ZNF83: variants seen among roughly 807,000 people sequenced by gnomAD.
The protein encoded by ZNF83 is zinc finger protein 816B.
For missense variants in ZNF83, 552 were observed against 629.9 expected, an observed-to-expected ratio of 0.88 and a Z score of 1.32; for synonymous variants, 209 against 213.0, an observed-to-expected ratio of 0.98 and a Z score of 0.17.
chr19:52,615,087 T>C (rs1322942317), intron 2 of ZNF83, among the ~76,000 whole-genome samples: 1 of 152,070 alleles, frequency 6.6e-6, no homozygotes, highest in African/African-American at 2.4e-5. Context: ...AAAATTGAGA[T>C]TTTTTCCAAC....
intron 3 of ZNF83, among the ~76,000 whole-genome samples, chr19:52,645,752 A>T (rs76444173): frequency 0.12 from 17,614 of 150,682 alleles, 1,206 homozygotes; most frequent in East Asian, 0.24. Context: ...GGTTGCAGTG[A>T]GCCAAGATCA....
intron 1 of ZNF83, among the ~76,000 whole-genome samples, chr19:52,670,684 T>C (rs915336084): frequency 2.6e-5 from 4 of 152,176 alleles, no homozygotes; most frequent in African/African-American, 9.7e-5. Flanking sequence ...TGAGAACATA[T>C]GTCCAAGGTG....
intron 2 of ZNF83, among the ~76,000 whole-genome samples, chr19:52,620,055 C>T: frequency 6.6e-6 from 1 of 152,030 alleles, no homozygotes; most frequent in South Asian, 2.1e-4. Flanking sequence ...TCTCAAAATA[C>T]AAGAAAACAA....
At chr19:52,683,228 CTGTGTGTGTGTGTGTGTGTGTGTG>C (rs67463602) in intron 1 of ZNF83, among the ~76,000 whole-genome samples, 26,101 of 128,002 alleles carry the variant, frequency 0.2, 2,946 homozygotes, top group East Asian at 0.41. Context: ...CCCTGTGACT[CTGTGTGTGTGTGTGTGTGTGTGTG>C]TGTGTGTGTG....
intron 1 of ZNF83, among the ~76,000 whole-genome samples, chr19:52,678,133 G>T (rs988211367): frequency 6.6e-6 from 1 of 151,836 alleles, no homozygotes; most frequent in African/African-American, 2.4e-5. Flanking sequence ...ACAATAATGC[G>T]CTAACTAAAA....
At chr19:52,631,040 A>C (rs1420272923) in intron 2 of ZNF83, among the ~76,000 whole-genome samples, 1 of 147,200 alleles carries the variant, frequency 6.8e-6, no homozygotes, top group Non-Finnish European at 1.5e-5. Context: ...TTTCTTTACT[A>C]TTCCTTTGCA....
intron 2 of ZNF83, chr19:52,616,782 G>A (rs2060322315): frequency 1.3e-5 from 2 of 152,230 alleles, no homozygotes; most frequent in Non-Finnish European, 2.9e-5. Flanking sequence ...GGCGGAGGTG[G>A]TGGTGAGCCG....
rs774100778 is a variant in ZNF83, at chr19:52,613,750, TGATGGAAGACCTTTCCACATAC to T, written c.793_814del (p.Val265IlefsTer33). Reference sequence around the variant, plus strand: ...CTGATGTTGTGCAAGGTGTGAAATATGATGGAAGACCTTTCCACATACATTACATCTGTAAGGTTTCTCTCCA... The same window carrying T: ...CTGATGTTGTGCAAGGTGTGAAATATATTACATCTGTAAGGTTTCTCTCCA... On this transcript the variant is annotated frameshift_variant, in exon 3 of 3. Coordinates refer to ENST00000301096, the Ensembl canonical transcript of ZNF83. LOFTEE classifies it low-confidence loss of function (END_TRUNC). 2 of 1,387,598 alleles carry T rather than the reference TGATGGAAGACCTTTCCACATAC, an allele frequency of 1.4e-6. No homozygotes were observed. The highest frequency in any genetic ancestry group is 3.3e-5 in the African/African-American group (2 of 59,914). 86.0% of individuals were successfully genotyped at this position (1,387,598 alleles called of 1,614,324 possible).
At chr19:52,643,366 A>C (rs1400850250), upstream of ZNF83, among the ~76,000 whole-genome samples, 1 of 151,184 alleles carries the variant, frequency 6.6e-6, no homozygotes, top group Non-Finnish European at 1.5e-5. Context: ...AATAGAAAAA[A>C]AAAAAAAAGG....
At chr19:52,683,920 A>T (rs2061970417) in intron 1 of ZNF83, among the ~76,000 whole-genome samples, 1 of 152,104 alleles carries the variant, frequency 6.6e-6, no homozygotes, top group Non-Finnish European at 1.5e-5. Context: ...GAGACACAAC[A>T]CACAAAGTAA....
rs146887057 is a variant in ZNF83, at chr19:52,675,449, G to A, written c.-282-14606C>T. ...AGCTGGGACACAAGCGCTGAGCTGC[G>A]CTGCTGACAGTGGTTCTGAAGCCAT... On this transcript the variant is annotated intron_variant, in intron 1 of 5. Coordinates refer to the ZNF83 transcript ENST00000594682. Among the ~76,000 whole-genome samples the A allele has an allele frequency of 4.5e-3, 683 of 152,266 alleles. 2 individuals carry two copies. Among genetic ancestry groups the A allele is most frequent in the African/African-American group, 0.016 (645 of 41,538 alleles).
intron 1 of ZNF83, among the ~76,000 whole-genome samples, chr19:52,678,870 G>C (rs993604931): frequency 6.6e-6 from 1 of 151,760 alleles, no homozygotes; most frequent in South Asian, 2.1e-4. Flanking sequence ...AGCTACTCAG[G>C]AGGCTGAGGC....
chr19:52,621,742 A>T (rs940795230), intron 2 of ZNF83, among the ~76,000 whole-genome samples: 2 of 152,042 alleles, frequency 1.3e-5, no homozygotes, highest in African/African-American at 4.8e-5. Flanking sequence ...TAAGCATCTT[A>T]TTTTCTCCTG....
At position 52,668,440 on chromosome 19, in the gene ZNF83, C is replaced by G. The variant is rs185000646; in HGVS notation, c.-282-7597G>C. ...GTGCTTATATCCATTACTATTCCTACCACTAGCAACTCTAACCCAACTTTA... is the reference window on the plus strand; with the variant it reads ...GTGCTTATATCCATTACTATTCCTAGCACTAGCAACTCTAACCCAACTTTA... On this transcript the variant is annotated intron_variant, in intron 1 of 5. Coordinates refer to the ZNF83 transcript ENST00000594682. Among the ~76,000 whole-genome samples, 420 of 152,254 alleles carry G rather than the reference C, an allele frequency of 2.8e-3. 3 individuals are homozygous for G. The highest frequency in any genetic ancestry group is 4.0e-3 in the Non-Finnish European group (270 of 68,012).
exon 3 of ZNF83, chr19:52,613,875 T>C (rs61740459): frequency 6.2e-7 from 1 of 1,613,680 alleles, no homozygotes; most frequent in Admixed American, 1.7e-5. Flanking sequence ...CGTAAGGTTT[T>C]TCTCCAGTAT....
intron 2 of ZNF83, chr19:52,616,969 T>TG (rs1462094224): frequency 6.6e-6 from 1 of 151,598 alleles, no homozygotes; most frequent in Non-Finnish European, 1.5e-5. Context: ...CACTCATAAG[T>TG]GGGAGTTGAA....
At chr19:52,624,410 A>G (rs759409393) in intron 2 of ZNF83, among the ~76,000 whole-genome samples, 23 of 152,142 alleles carry the variant, frequency 1.5e-4, no homozygotes, top group Non-Finnish European at 2.5e-4. Context: ...CCTTCTATAA[A>G]ACAACAACTC....
exon 3 of ZNF83, chr19:52,613,203 CTCT>C: frequency 6.2e-7 from 1 of 1,614,108 alleles, no homozygotes; most frequent in Non-Finnish European, 8.5e-7. Context: ...TGAAAGGTTT[CTCT>C]CCAGTGTGAA....
chr19:52,645,181 T>C (rs1200369258), intron 3 of ZNF83, among the ~76,000 whole-genome samples: 4 of 151,866 alleles, frequency 2.6e-5, no homozygotes, highest in Non-Finnish European at 4.4e-5. Flanking sequence ...AACTGAAAAA[T>C]AGACTAACTG....
Sources: gnomAD v4.1 joint callset for allele counts (sites outside exome capture counted in the v4.1 genomes callset) on GRCh38, gnomAD v4.1.1 for gene constraint, MANE v1.5 for transcripts, NCBI Gene and HGNC (gene_info 2026-07-23, HGNC 2026-07-21) for gene names.